Variants in ZNF284 observed in about 807,000 individuals in gnomAD.
The protein encoded by ZNF284 is zinc finger protein 284.
A neutral mutation model predicts 12.9 loss-of-function variants in ZNF284; 12 were observed. That is an observed-to-expected ratio of 0.93 (90% CI 0.60 to 1.51). The LOEUF is 1.51. Among genes scored for constraint, ZNF284 ranks in the 40% most tolerant of loss-of-function variants. The pLI, the probability that ZNF284 is intolerant of heterozygous loss-of-function variation, is 0.00. For synonymous variants in ZNF284, 225 were observed against 236.5 expected (o/e 0.95, Z 0.45); for missense variants, 667 against 707.3 (o/e 0.94, Z 0.65).
chr19:44,085,648 T>G, intron 4 of ZNF284, 66 bp from the exon 5 acceptor site: 9 of 1,391,168 alleles, frequency 6.5e-6, no homozygotes, highest in South Asian at 2.7e-5. Flanking sequence ...ATGTCCTAAG[T>G]GAAATCCTGA....
In ZNF284 at chr19:44,087,289, T is replaced by C. The variant is rs1967277826; in HGVS notation, c.*29T>C. The C allele has an allele frequency of 7.0e-7, 1 of 1,420,958 alleles. No individual in the cohort carries two copies. The allele number at this position is 1,420,958 out of a possible 1,614,324, so 88.0% of individuals were successfully genotyped here. ...TTGTCCATATTTATGGGTTACAGCA[T>C]ATTTCAATACATGTATACAATGTAT... On this transcript the variant is annotated 3_prime_UTR_variant, in exon 5 of 5. Transcript: ENST00000421176.
At chr19:44,076,297 T>A in intron 1 of ZNF284, 25 bp from the exon 2 acceptor site, 2 of 1,346,578 alleles carry the variant, frequency 1.5e-6, no homozygotes, top group East Asian at 4.9e-5. Flanking sequence ...CTTTTTTTTT[T>A]TTTGCCTTCC....
At chr19:44,081,859 C>T (rs1229881495) in intron 3 of ZNF284, among the ~76,000 whole-genome samples, 154 bp from the exon 4 acceptor site, 21 of 152,110 alleles carry the variant, frequency 1.4e-4, no homozygotes, top group Admixed American at 1.2e-3. Flanking sequence ...CCTCTTATGA[C>T]ATGTGGGGAT....
Position 44,087,575 on chromosome 19 carries a change from A to T in ZNF284, c.*315A>T. 7.0e-6 allele frequency: 1 copy of T among 143,612 alleles called. No individual in the cohort carries two copies. Among genetic ancestry groups the T allele is most frequent in the Non-Finnish European group, 1.5e-5 (1 of 68,558 alleles). The allele number at this position is 143,612 out of a possible 1,614,324, so 8.9% of individuals were successfully genotyped here. On this transcript the variant is annotated 3_prime_UTR_variant, in exon 5 of 5. Transcript: ENST00000421176. ...CTACTTTTCCCTTCTAGTAATTGCT[A>T]TGCCATGCTGCTTCTGCTTTTTTTT... is the stretch of plus-strand genomic sequence containing the variant.
At chr19:44,083,472 T>TAGAG (rs1435032212) in intron 4 of ZNF284, among the ~76,000 whole-genome samples, 3,092 of 64,414 alleles carry the variant, frequency 0.048, 134 homozygotes, top group Admixed American at 0.079. Context: ...TATATATATA[T>TAGAG]ATAGAGAGAG....
chr19:44,083,474 T>TATATATATAG lies in ZNF284; in HGVS notation c.235+1370_235+1371insTATATATAGA, dbSNP rs746837013. 1.2e-3 allele frequency among the ~76,000 whole-genome samples: 80 copies of TATATATATAG among 64,902 alleles called. 1 individual carries two copies. The highest frequency in any genetic ancestry group is 2.4e-3 in the African/African-American group (48 of 20,182). 42.6% of individuals were successfully genotyped at this position (64,902 alleles called of 152,430 possible). On this transcript the variant is annotated intron_variant, in intron 4 of 4. Transcript: ENST00000421176. ...AAATATATATATATATATATATATATAGAGAGAGAGAGAGAGAGAGAGAGA... is the reference window on the plus strand; with the variant it reads ...AAATATATATATATATATATATATATATATATATAGAGAGAGAGAGAGAGAGAGAGAGAGA...
At chr19:44,078,051 T>C (rs1480066810) in intron 2 of ZNF284, among the ~76,000 whole-genome samples, 2 of 152,102 alleles carry the variant, frequency 1.3e-5, no homozygotes, top group East Asian at 3.9e-4. Flanking sequence ...TATAACAGCC[T>C]AAGGTGAAAA....
chr19:44,074,500 T>G (rs182502452), intron 1 of ZNF284, among the ~76,000 whole-genome samples: 17 of 152,372 alleles, frequency 1.1e-4, no homozygotes, highest in African/African-American at 4.1e-4. Context: ...TCCTGTTTGC[T>G]TTGTTCTTGC....
intron 4 of ZNF284, among the ~76,000 whole-genome samples, chr19:44,082,805 T>C (rs542982524): frequency 6.6e-6 from 1 of 152,278 alleles, no homozygotes; most frequent in East Asian, 1.9e-4. Flanking sequence ...GCCTCTGTTT[T>C]CCACATTTTG....
At chr19:44,076,218 C>T (rs933501978) in intron 1 of ZNF284, 104 bp from the exon 2 acceptor site, 1 of 560,442 alleles carries the variant, frequency 1.8e-6, no homozygotes, top group Admixed American at 3.2e-5. Flanking sequence ...CCCCTGTGAA[C>T]ATTCAAGTGC....
intron 1 of ZNF284, among the ~76,000 whole-genome samples, chr19:44,073,879 G>T (rs1033993477): frequency 3.0e-4 from 45 of 151,816 alleles, no homozygotes; most frequent in African/African-American, 1.0e-3. Flanking sequence ...TGGCATATTT[G>T]CATATTTATT....
In ZNF284 at chr19:44,076,370, TC is replaced by T. The variant is rs1599876471; in HGVS notation, c.-16del. ...CTGCATAACTGAGAACTCTGCAAAT[TC>T]CCCAAAGAAGGAGGAAAAATGACCA... On this transcript the variant is annotated 5_prime_UTR_variant, in exon 2 of 5. Coordinates refer to ENST00000421176, the MANE Select transcript of ZNF284 (RefSeq NM_001037813.4). 15 of 1,609,902 alleles carry T rather than the reference TC, an allele frequency of 9.3e-6. No individual in the cohort carries two copies. The highest frequency in any genetic ancestry group is 1.3e-5 in the Non-Finnish European group (15 of 1,177,834).
rs1967266440 is a variant in ZNF284 at position 44,086,943 on chromosome 19, G to A, written c.1465G>A (p.Gly489Arg). 2 of 1,614,066 alleles carry A rather than the reference G, an allele frequency of 1.2e-6. No homozygotes were observed. Among genetic ancestry groups the A allele is most frequent in the African/African-American group, 2.7e-5 (2 of 74,894 alleles). The change falls in exon 5 of 5, where the codon GGG becomes AGG. Residue 489 changes from glycine to arginine, a missense_variant. Coordinates refer to ENST00000421176, the MANE Select transcript of ZNF284 (RefSeq NM_001037813.4). The stretch of plus-strand genomic sequence containing the variant: ...AAAACCATTCAAATGTGAAGAGTGT[G>A]GGAAGAGGTTTACTGAGAATTCAAA... ...GEKPFKCEEC[G>R]KRFTENSKLR...
chr19:44,086,110 C>T lies in ZNF284; in HGVS notation c.632C>T (p.Ala211Val). The change falls in exon 5 of 5, where the codon GCA (alanine) becomes GTA (valine). Residue 211 changes from alanine (A) to valine (V), a missense_variant. Physicochemically the swap from Ala to Val is moderately conservative, Grantham distance 64. Coordinates refer to ENST00000421176, the MANE Select transcript of ZNF284 (RefSeq NM_001037813.4). ...TATAAGTGTGATGTGTGTAGTAAGG[C>T]ATTTAGTCAGAACTCACAACTGCAA... ...KRYKCDVCSK[A>V]FSQNSQLQTH... The T allele has an allele frequency of 1.2e-6, 2 of 1,614,194 alleles. No individual in the cohort carries two copies. Among genetic ancestry groups the T allele is most frequent in the Non-Finnish European group, 1.7e-6 (2 of 1,180,044 alleles).
intron 1 of ZNF284, among the ~76,000 whole-genome samples, chr19:44,075,885 A>G (rs1050213329): frequency 2.0e-5 from 3 of 152,202 alleles, no homozygotes; most frequent in African/African-American, 7.2e-5. Context: ...TTTATCTCCC[A>G]GTTGGACTCC....
At chr19:44,073,620 T>C (rs1966982094) in intron 1 of ZNF284, among the ~76,000 whole-genome samples, 1 of 151,650 alleles carries the variant, frequency 6.6e-6, no homozygotes, top group South Asian at 2.1e-4. Flanking sequence ...CTCGGCTCAC[T>C]GCTAACTCCG....
intron 1 of ZNF284, among the ~76,000 whole-genome samples, chr19:44,072,513 A>G (rs1173941866): frequency 1.3e-5 from 2 of 151,964 alleles, no homozygotes; most frequent in Non-Finnish European, 2.9e-5. Flanking sequence ...GATGTTATTA[A>G]TCTCCCTGTA....
chr19:44,085,775 T>C lies in ZNF284; in HGVS notation c.297T>C (p.Ser99=). ...AAACAGGACCACATGAAGAGTGGTC[T>C]TGCCAGCAAATCTGGGAACAAACTG... The part of the protein sequence containing the change: ...VPETGPHEEW[S]CQQIWEQTAS... Residue 99 remains serine, a synonymous_variant, in exon 5 of 5, where the codon TCT becomes TCC. Transcript: ENST00000421176. 1 of 1,614,210 alleles carries C rather than the reference T, an allele frequency of 6.2e-7. No homozygotes were observed. Among genetic ancestry groups the C allele is most frequent in the Non-Finnish European group, 8.5e-7 (1 of 1,180,024 alleles).
At position 44,087,368 on chromosome 19, in the gene ZNF284, G is replaced by T. The variant is rs1028503555; in HGVS notation, c.*108G>T. The T allele has an allele frequency of 2.3e-6, 2 of 888,428 alleles. No individual in the cohort carries two copies. Among genetic ancestry groups the T allele is most frequent in the Non-Finnish European group, 3.2e-6 (2 of 621,618 alleles). The allele number at this position is 888,428 out of a possible 1,614,324, so 55.0% of individuals were successfully genotyped here. A position where few individuals can be genotyped will look rare whatever the true frequency, so the allele number is the denominator to read the frequency against. ...CCATCACCTCCTTTATCATTTATTT[G>T]TGGATCATTTATCATTTCTTTGTGC... On this transcript the variant is annotated 3_prime_UTR_variant, in exon 5 of 5. Transcript: ENST00000421176.
Sources: gnomAD v4.1 joint callset for allele counts (sites outside exome capture counted in the v4.1 genomes callset) on GRCh38, gnomAD v4.1.1 for gene constraint, MANE v1.5 for transcripts, NCBI Gene and HGNC (gene_info 2026-07-23, HGNC 2026-07-21) for gene names.